The following CNTNAP5 variants were observed in gnomAD, a reference collection of about 807,000 sequenced individuals.
CNTNAP5 encodes contactin-associated protein-like 5.
In CNTNAP5, 72 loss-of-function variants were observed where a neutral mutation model predicts 150.2. The observed-to-expected ratio is 0.48, with a 90% confidence interval of 0.40 to 0.58. The LOEUF is 0.58. Ranked by LOEUF, CNTNAP5 falls within the 20% of genes least tolerant of loss-of-function variation. The pLI is 0.00. For synonymous variants in CNTNAP5, 672 were observed against 619.8 expected, an observed-to-expected ratio of 1.08 and a Z score of -1.25; for missense variants, 1,636 against 1,626.2, an observed-to-expected ratio of 1.01 and a Z score of -0.10.
chr2:124,505,968 T>G (rs1558931471), intron 8 of CNTNAP5, among the ~76,000 whole-genome samples: 1 of 152,240 alleles, frequency 6.6e-6, no homozygotes, highest in African/African-American at 2.4e-5. Flanking sequence ...TCAACTGGAC[T>G]GCATGGTTCT....
At chr2:124,427,538 ACT>A (rs1318021733) in intron 4 of CNTNAP5, among the ~76,000 whole-genome samples, 2 of 151,496 alleles carry the variant, frequency 1.3e-5, no homozygotes, top group African/African-American at 2.4e-5. Context: ...CTCACTCCAA[ACT>A]CTGCCTCCCG....
At chr2:124,640,336 A>G (rs1678064134) in intron 12 of CNTNAP5, among the ~76,000 whole-genome samples, 1 of 152,190 alleles carries the variant, frequency 6.6e-6, no homozygotes, top group South Asian at 2.1e-4. Context: ...TCAGCCAAGT[A>G]TGTTGTCTGG....
At chr2:124,090,982 A>C (rs907693798) in intron 1 of CNTNAP5, among the ~76,000 whole-genome samples, 2 of 152,354 alleles carry the variant, frequency 1.3e-5, no homozygotes, top group African/African-American at 2.4e-5. Context: ...TAAAAGAAAA[A>C]GAGTAAGAAT....
At chr2:124,079,738 T>C (rs1338820683) in intron 1 of CNTNAP5, among the ~76,000 whole-genome samples, 1 of 152,208 alleles carries the variant, frequency 6.6e-6, no homozygotes, top group Admixed American at 6.5e-5. Context: ...TACGTGTGTG[T>C]GTGCTGAGTC....
rs375345395 is a variant in CNTNAP5, at chr2:124,316,228, G to T, written c.381+73835G>T. Among the ~76,000 whole-genome samples, 3 of 152,072 alleles carry T rather than the reference G, an allele frequency of 2.0e-5. No individual in the cohort carries two copies. In the East Asian group the frequency reaches 5.8e-4, roughly 29 times the overall value. ...CTGCAGACCACACTTTCCTGGAAAG[G>T]GTTAGTAGCCCTGGAGTGGGTTAGT... is the stretch of plus-strand genomic sequence containing the variant. On this transcript the variant is annotated intron_variant, in intron 3 of 23. Transcript: ENST00000682447.
chr2:124,565,890 C>T (rs529112803), intron 11 of CNTNAP5, among the ~76,000 whole-genome samples: 15 of 151,850 alleles, frequency 9.9e-5, no homozygotes, highest in South Asian at 6.3e-4. Flanking sequence ...TGAGCCACCA[C>T]GCCCGGCCTT....
At chr2:124,489,920 A>T (rs1693978043) in intron 7 of CNTNAP5, among the ~76,000 whole-genome samples, 1 of 152,190 alleles carries the variant, frequency 6.6e-6, no homozygotes, top group Admixed American at 6.5e-5. Flanking sequence ...TATAGGTCTG[A>T]CTTAGTCACC....
chr2:124,153,907 C>T (rs565586853), intron 1 of CNTNAP5, among the ~76,000 whole-genome samples: 140 of 151,926 alleles, frequency 9.2e-4, no homozygotes, highest in Non-Finnish European at 1.6e-3. Flanking sequence ...GCCACTAAGC[C>T]GGGCCCTGGG....
intron 13 of CNTNAP5, among the ~76,000 whole-genome samples, chr2:124,664,372 T>C (rs1286199153): frequency 2.2e-5 from 3 of 136,716 alleles, no homozygotes; most frequent in African/African-American, 8.0e-5. Flanking sequence ...TGTGGTGCAA[T>C]AACAACAAGG....
intron 13 of CNTNAP5, among the ~76,000 whole-genome samples, chr2:124,701,655 C>T (rs1049557139): frequency 6.6e-6 from 1 of 152,072 alleles, no homozygotes; most frequent in Non-Finnish European, 1.5e-5. Context: ...GAGTTCCCTT[C>T]TATCCACACC....
chr2:124,463,103 A>G (rs937315022), intron 6 of CNTNAP5, among the ~76,000 whole-genome samples: 7 of 152,214 alleles, frequency 4.6e-5, no homozygotes, highest in South Asian at 4.1e-4. Context: ...GGAAGACCAC[A>G]GTGAGACCCT....
chr2:124,345,669 A>G (rs1689720666), intron 3 of CNTNAP5, among the ~76,000 whole-genome samples: 1 of 152,180 alleles, frequency 6.6e-6, no homozygotes, highest in Non-Finnish European at 1.5e-5. Context: ...CTTGGCTGCC[A>G]AATTTGCTCA....
intron 1 of CNTNAP5, among the ~76,000 whole-genome samples, chr2:124,145,951 C>T (rs1039748151): frequency 7.9e-5 from 12 of 151,674 alleles, no homozygotes; most frequent in Admixed American, 7.2e-4. Flanking sequence ...ATGAAAATTT[C>T]CATTGCTGGG....
chr2:124,873,046 A>G (rs1677785075), intron 21 of CNTNAP5, among the ~76,000 whole-genome samples: 1 of 152,088 alleles, frequency 6.6e-6, no homozygotes, highest in South Asian at 2.1e-4. Context: ...TGGGTAATTT[A>G]TAAAGAAAAA....
intron 19 of CNTNAP5, among the ~76,000 whole-genome samples, chr2:124,814,937 G>T (rs1018275898): frequency 1.3e-5 from 2 of 152,152 alleles, no homozygotes; most frequent in African/African-American, 4.8e-5. Context: ...GCTCCGTAAT[G>T]CTAATACTGT....
chr2:124,139,626 C>T (rs1350191933), intron 1 of CNTNAP5, among the ~76,000 whole-genome samples: 3 of 152,122 alleles, frequency 2.0e-5, no homozygotes, highest in African/African-American at 4.8e-5. Context: ...CAGAGACCGG[C>T]GAAGGAGACT....
intron 10 of CNTNAP5, among the ~76,000 whole-genome samples, chr2:124,559,604 A>G (rs992683272): frequency 6.6e-6 from 1 of 152,344 alleles, no homozygotes; most frequent in East Asian, 1.9e-4. Flanking sequence ...TACACCTAAA[A>G]GAGTGAGTGC....
intron 17 of CNTNAP5, among the ~76,000 whole-genome samples, chr2:124,788,978 A>C (rs541465260): frequency 6.6e-6 from 1 of 152,152 alleles, no homozygotes; most frequent in East Asian, 1.9e-4. Flanking sequence ...CACACAATAG[A>C]TTGATTTTTA....
intron 11 of CNTNAP5, among the ~76,000 whole-genome samples, chr2:124,577,558 C>T (rs543306794): frequency 4.3e-4 from 65 of 152,226 alleles, no homozygotes; most frequent in South Asian, 1.0e-3. Context: ...GACACTTGTG[C>T]AATTGAAGGT....
Sources: allele counts gnomAD v4.1 joint callset (sites outside exome capture counted in the v4.1 genomes callset), GRCh38; gene constraint gnomAD v4.1.1; transcripts MANE v1.5; gene names NCBI Gene and HGNC (gene_info 2026-07-23, HGNC 2026-07-21).